ANOS1: variants seen among roughly 807,000 people sequenced by gnomAD.
The protein encoded by ANOS1 is anosmin 1.
Under a neutral mutation model 59.0 loss-of-function variants are expected in ANOS1, and 6 were observed. The observed-to-expected ratio is 0.10, with a 90% CI of 0.06 to 0.20. The LOEUF is 0.20. Ranked by LOEUF, ANOS1 falls within the 10% of genes least tolerant of loss-of-function variation. The pLI is 1.00. For missense variants in ANOS1, 433 were observed against 542.3 expected (o/e 0.80, Z 2.00); for synonymous variants, 217 against 223.4 (o/e 0.97, Z 0.25).
chrX:8,642,139 A>T (rs1931675276), intron 2 of ANOS1, among the ~76,000 whole-genome samples: 1 of 112,327 alleles, frequency 8.9e-6, no homozygotes, highest in Non-Finnish European at 1.9e-5. Context: ...TGAATAAATA[A>T]AATGAAAAAA....
chrX:8,651,533 G>A (rs757658425), intron 2 of ANOS1, among the ~76,000 whole-genome samples: 15 of 112,213 alleles, frequency 1.3e-4, no homozygotes, highest in Admixed American at 1.2e-3. Context: ...CTTCAATTTC[G>A]TAGTCTTACC....
intron 6 of ANOS1, among the ~76,000 whole-genome samples, chrX:8,582,256 C>A (rs935090956): frequency 3.0e-4 from 34 of 112,357 alleles, no homozygotes; most frequent in Admixed American, 3.0e-3. Flanking sequence ...TTTGCTTACA[C>A]ATATAAGTAG....
intron 3 of ANOS1, among the ~76,000 whole-genome samples, chrX:8,616,309 C>A (rs1193050454): frequency 9.0e-6 from 1 of 111,711 alleles, no homozygotes; most frequent in Non-Finnish European, 1.9e-5. Flanking sequence ...CACCACACTC[C>A]CCTGTGTTTT....
intron 6 of ANOS1, among the ~76,000 whole-genome samples, chrX:8,578,068 T>C (rs1435475768): frequency 9.0e-6 from 1 of 111,726 alleles, no homozygotes; most frequent in Admixed American, 9.6e-5. Context: ...ATGTTGATTT[T>C]ACTTATTTCA....
intron 2 of ANOS1, among the ~76,000 whole-genome samples, chrX:8,666,262 C>A (rs930954380): frequency 3.6e-5 from 4 of 111,183 alleles, no homozygotes; most frequent in Admixed American, 1.9e-4. Context: ...ATTATATAAT[C>A]TTTGATGTAT....
At chrX:8,592,971 T>G (rs1322904052) in intron 4 of ANOS1, among the ~76,000 whole-genome samples, 1 of 111,834 alleles carries the variant, frequency 8.9e-6, no homozygotes, top group Non-Finnish European at 1.9e-5. Flanking sequence ...TTTTAAAAAC[T>G]CAAGTGACCA....
At chrX:8,560,684 G>C (rs994842605) in intron 8 of ANOS1, among the ~76,000 whole-genome samples, 3 of 112,425 alleles carry the variant, frequency 2.7e-5, no homozygotes, top group African/African-American at 9.7e-5. Flanking sequence ...ATTGTATCCA[G>C]TTTCACATAA....
chrX:8,699,561 ATTAC>A, intron 2 of ANOS1, 133 bp downstream of exon 2: 1 of 421,817 alleles, frequency 2.4e-6, no homozygotes, highest in Non-Finnish European at 4.1e-6. Flanking sequence ...ATTGTTTACA[ATTAC>A]TTAAAGTGTA....
intron 2 of ANOS1, among the ~76,000 whole-genome samples, chrX:8,640,855 T>C (rs1931652127): frequency 8.9e-6 from 1 of 111,954 alleles, no homozygotes; most frequent in South Asian, 3.7e-4. Flanking sequence ...AACCAGTGGG[T>C]AGGGATTGTT....
At chrX:8,713,198 A>G (rs1932821965) in intron 1 of ANOS1, among the ~76,000 whole-genome samples, 2 of 111,023 alleles carry the variant, frequency 1.8e-5, no homozygotes, top group Non-Finnish European at 3.8e-5. Flanking sequence ...ACTTCTACTT[A>G]GTAAGCTCAC....
chrX:8,616,597 C>T (rs1931181672), intron 3 of ANOS1, among the ~76,000 whole-genome samples: 1 of 111,446 alleles, frequency 9.0e-6, no homozygotes, highest in African/African-American at 3.3e-5. Flanking sequence ...CTGGTCTATT[C>T]TTTCTCCCCA....
chrX:8,667,360 TATGTTGGCCAGC>T (rs1932162896), intron 2 of ANOS1, among the ~76,000 whole-genome samples: 1 of 110,772 alleles, frequency 9.0e-6, no homozygotes, highest in Non-Finnish European at 1.9e-5. Flanking sequence ...AGAGCCTTGC[TATGTTGGCCAGC>T]ATGGACTCAA....
In ANOS1 at chrX:8,594,658, GTA is replaced by G. The variant is rs767812487; in HGVS notation, c.541+2374_541+2375del. On this transcript the variant is annotated intron_variant, in intron 4 of 13. Coordinates refer to ENST00000262648, the MANE Select transcript of ANOS1 (RefSeq NM_000216.4). ...AAAAAATCTACATATATATATATGTGTATATATATATATATATATATATATAT... is the reference window on the plus strand; with the variant it reads ...AAAAAATCTACATATATATATATGTGTATATATATATATATATATATATAT... 6.7e-3 allele frequency among the ~76,000 whole-genome samples: 224 copies of G among 33,515 alleles called. 3 individuals carry two copies. The highest frequency in any genetic ancestry group is 0.036 in the East Asian group (21 of 588). 29.1% of individuals were successfully genotyped at this position (33,515 alleles called of 115,157 possible).
intron 9 of ANOS1, among the ~76,000 whole-genome samples, chrX:8,541,411 C>A (rs1190087443): frequency 0.014 from 588 of 42,851 alleles, 4 homozygotes; most frequent in Non-Finnish European, 0.031. Flanking sequence ...CTCCCACCAC[C>A]CCCCCCCCAA....
chrX:8,646,995 G>T (rs1931771185), intron 2 of ANOS1, among the ~76,000 whole-genome samples: 1 of 108,950 alleles, frequency 9.2e-6, no homozygotes, highest in Admixed American at 9.9e-5. Flanking sequence ...TGAGATCGAG[G>T]TGGAGGGTCC....
intron 3 of ANOS1, among the ~76,000 whole-genome samples, chrX:8,603,323 A>G (rs1930881063): frequency 8.9e-6 from 1 of 111,935 alleles, no homozygotes; most frequent in African/African-American, 3.3e-5. Context: ...GATATATGTC[A>G]TACTATATAT....
chrX:8,661,369 C>T (rs1279192502), intron 2 of ANOS1, among the ~76,000 whole-genome samples: 2 of 112,119 alleles, frequency 1.8e-5, no homozygotes, highest in African/African-American at 6.5e-5. Flanking sequence ...TGTCTTCTCC[C>T]TGTGTCCTCA....
At chrX:8,547,857 C>G (rs1380486814) in intron 9 of ANOS1, among the ~76,000 whole-genome samples, 1 of 111,123 alleles carries the variant, frequency 9.0e-6, no homozygotes, top group Non-Finnish European at 1.9e-5. Flanking sequence ...GCTGGGACTA[C>G]AGGCATGCAC....
At chrX:8,537,785 TTTAA>T (rs1426957531) in intron 10 of ANOS1, among the ~76,000 whole-genome samples, 2 of 107,018 alleles carry the variant, frequency 1.9e-5, no homozygotes, top group Non-Finnish European at 3.9e-5. Flanking sequence ...TGTGTGTGTG[TTTAA>T]TTATTTTTTA....
Sources: allele counts gnomAD v4.1 joint callset (sites outside exome capture counted in the v4.1 genomes callset), GRCh38; gene constraint gnomAD v4.1.1; transcripts MANE v1.5; gene names NCBI Gene and HGNC (gene_info 2026-07-23, HGNC 2026-07-21).